VGLL4: variants seen among roughly 807,000 people sequenced by gnomAD.
The protein encoded by VGLL4 is vestigial like family member 4.
Under a neutral mutation model 21.0 loss-of-function variants are expected in VGLL4, and 7 were observed. That is an observed-to-expected ratio of 0.33 (90% CI 0.19 to 0.63). The LOEUF (loss-of-function observed/expected upper bound fraction) is 0.63. Ranked by LOEUF, VGLL4 falls within the 20% of genes least tolerant of loss-of-function variation. VGLL4 has a pLI of 0.78. For synonymous variants in VGLL4, 222 were observed against 173.2 expected (o/e 1.28, Z -2.21); for missense variants, 394 against 425.7 (o/e 0.93, Z 0.66).
upstream of VGLL4, chr3:11,721,802 A>C (rs960026635): frequency 6.6e-6 from 1 of 152,218 alleles, no homozygotes; most frequent in African/African-American, 2.4e-5. Flanking sequence ...ATCAAACCTC[A>C]GTTTTCTCAT....
At chr3:11,652,438 G>A (rs959964378) in intron 2 of VGLL4, among the ~76,000 whole-genome samples, 15 of 151,510 alleles carry the variant, frequency 9.9e-5, no homozygotes, top group Non-Finnish European at 1.9e-4. Context: ...TTGTTTTTTT[G>A]ACATGGAGTC....
At chr3:11,694,557 G>A (rs1234791939) in intron 2 of VGLL4, among the ~76,000 whole-genome samples, 5 of 152,062 alleles carry the variant, frequency 3.3e-5, no homozygotes, top group African/African-American at 1.2e-4. Context: ...GTAGGGCAGA[G>A]GTTGCAGTAA....
chr3:11,697,423 T>C (rs2076620864), intron 2 of VGLL4, among the ~76,000 whole-genome samples: 1 of 152,176 alleles, frequency 6.6e-6, no homozygotes, highest in African/African-American at 2.4e-5. Context: ...GCTTTTTTAC[T>C]GTGTGCCACA....
At chr3:11,705,206 C>A (rs1204616612) in intron 1 of VGLL4, among the ~76,000 whole-genome samples, 7 of 152,220 alleles carry the variant, frequency 4.6e-5, no homozygotes, top group Admixed American at 4.6e-4. Context: ...TTATCCTGGC[C>A]GCACCACGTG....
At chr3:11,600,191 A>C (rs73025163) in intron 2 of VGLL4, among the ~76,000 whole-genome samples, 16,416 of 152,108 alleles carry the variant, frequency 0.11, 1,163 homozygotes, top group East Asian at 0.25. Context: ...TACATTAACT[A>C]TTATCATTGT....
At chr3:11,645,141 C>T (rs576823681), upstream of VGLL4, among the ~76,000 whole-genome samples, 15 of 147,634 alleles carry the variant, frequency 1.0e-4, no homozygotes, top group Admixed American at 6.2e-4. Context: ...AACGAGTGAA[C>T]CACTGAATGT....
intron 2 of VGLL4, among the ~76,000 whole-genome samples, chr3:11,660,661 CTTG>C (rs1186203878): frequency 2.0e-5 from 3 of 151,956 alleles, no homozygotes; most frequent in South Asian, 2.1e-4. Flanking sequence ...GGTGGGGTTT[CTTG>C]TTGTTGTTGT....
chr3:11,580,021 T>C (rs956971898), intron 2 of VGLL4, among the ~76,000 whole-genome samples: 1 of 151,998 alleles, frequency 6.6e-6, no homozygotes, highest in African/African-American at 2.4e-5. Flanking sequence ...GTTTTTCATA[T>C]TTTTTTTACT....
chr3:11,558,404 G>T lies in VGLL4; in HGVS notation c.*152C>A. 1 of 1,289,724 alleles carries T rather than the reference G, an allele frequency of 7.8e-7. No homozygotes were observed. Among genetic ancestry groups the T allele is most frequent in the Non-Finnish European group, 1.0e-6 (1 of 965,432 alleles). 79.9% of individuals were successfully genotyped at this position (1,289,724 alleles called of 1,614,324 possible). On this transcript the variant is annotated 3_prime_UTR_variant, in exon 5 of 5. Coordinates refer to ENST00000430365, the MANE Select transcript of VGLL4 (RefSeq NM_001128219.3). ...CGGATACCAAGCAAGTACAAAAACAGAACACAAATCCCAACAACATGGTTT... is the reference window on the plus strand; with the variant it reads ...CGGATACCAAGCAAGTACAAAAACATAACACAAATCCCAACAACATGGTTT...
chr3:11,605,410 G>C (rs1346012594), intron 1 of VGLL4, among the ~76,000 whole-genome samples: 2 of 150,732 alleles, frequency 1.3e-5, no homozygotes, highest in Non-Finnish European at 2.9e-5. Flanking sequence ...TTCTGCATTC[G>C]AAACCCCAAC....
chr3:11,716,458 T>G (rs1226392238), intron 1 of VGLL4, among the ~76,000 whole-genome samples: 8 of 152,106 alleles, frequency 5.3e-5, no homozygotes. Context: ...GAGGCTCAAA[T>G]TTTTCCCCAT....
At chr3:11,595,972 T>C (rs1011678439) in intron 2 of VGLL4, among the ~76,000 whole-genome samples, 12 of 150,970 alleles carry the variant, frequency 7.9e-5, no homozygotes, top group Non-Finnish European at 7.4e-5. Context: ...ACCCTAAAAC[T>C]TAAAGTATAA....
intron 2 of VGLL4, among the ~76,000 whole-genome samples, chr3:11,596,503 C>T (rs2074645157): frequency 6.6e-6 from 1 of 152,116 alleles, no homozygotes; most frequent in Non-Finnish European, 1.5e-5. Context: ...TACTGGTGAA[C>T]CAGGGAGATA....
At chr3:11,571,783 C>T (rs544696253) in intron 2 of VGLL4, among the ~76,000 whole-genome samples, 1 of 152,166 alleles carries the variant, frequency 6.6e-6, no homozygotes, top group Non-Finnish European at 1.5e-5. Flanking sequence ...CCATCTATTG[C>T]GAGACAGCTG....
chr3:11,608,986 C>G (rs1024769466), intron 1 of VGLL4, among the ~76,000 whole-genome samples: 1 of 152,132 alleles, frequency 6.6e-6, no homozygotes, highest in Non-Finnish European at 1.5e-5. Context: ...GTCAGCCTCC[C>G]GAGTGTAGCC....
intron 2 of VGLL4, among the ~76,000 whole-genome samples, chr3:11,583,689 T>A (rs1430086220): frequency 6.6e-6 from 1 of 152,182 alleles, no homozygotes; most frequent in East Asian, 1.9e-4. Context: ...ACGATGACGA[T>A]GCTCCCATTC....
intron 2 of VGLL4, among the ~76,000 whole-genome samples, chr3:11,686,360 A>G (rs2076448876): frequency 6.6e-6 from 1 of 152,228 alleles, no homozygotes; most frequent in Non-Finnish European, 1.5e-5. Context: ...TACATGCTAC[A>G]ATATGGATGA....
intron 1 of VGLL4, among the ~76,000 whole-genome samples, chr3:11,611,376 G>A (rs1457042176): frequency 6.6e-6 from 1 of 152,188 alleles, no homozygotes; most frequent in Non-Finnish European, 1.5e-5. Context: ...TATGGGAGAA[G>A]AGAAGGCGGC....
At chr3:11,578,534 A>G (rs1011546504) in intron 2 of VGLL4, among the ~76,000 whole-genome samples, 2 of 151,966 alleles carry the variant, frequency 1.3e-5, no homozygotes, top group African/African-American at 2.4e-5. Context: ...ACTAAATAAA[A>G]ATATCAAACC....
Sources: gnomAD v4.1 joint callset for allele counts (sites outside exome capture counted in the v4.1 genomes callset) on GRCh38, gnomAD v4.1.1 for gene constraint, MANE v1.5 for transcripts, NCBI Gene and HGNC (gene_info 2026-07-23, HGNC 2026-07-21) for gene names.